The following SKAP2 variants were observed in gnomAD, a reference collection of about 807,000 sequenced individuals.
SKAP2 encodes src kinase-associated phosphoprotein 2.
A neutral mutation model predicts 54.9 loss-of-function variants in SKAP2; 28 were observed. The observed-to-expected ratio is 0.51, with a 90% CI of 0.38 to 0.70. SKAP2 has a LOEUF of 0.70. Among genes scored for constraint, SKAP2 ranks in the 30% least tolerant of loss-of-function variants. The pLI, the probability that SKAP2 is intolerant of heterozygous loss-of-function variation, is 0.00. For missense variants in SKAP2, 356 were observed against 424.1 expected, an observed-to-expected ratio of 0.84 and a Z score of 1.41; for synonymous variants, 137 against 134.3, an observed-to-expected ratio of 1.02 and a Z score of -0.14.
chr7:26,671,946 T>C (rs1786253389), intron 11 of SKAP2, among the ~76,000 whole-genome samples: 1 of 152,070 alleles, frequency 6.6e-6, no homozygotes, highest in African/African-American at 2.4e-5. Context: ...ACACACGTAC[T>C]TAACGTTCCA....
chr7:26,681,115 C>A (rs1421308794), intron 11 of SKAP2, among the ~76,000 whole-genome samples: 1 of 152,114 alleles, frequency 6.6e-6, no homozygotes, highest in African/African-American at 2.4e-5. Context: ...ACAACCTAAT[C>A]CCCAAGCTAG....
intron 9 of SKAP2, among the ~76,000 whole-genome samples, chr7:26,698,117 T>C (rs1218870831): frequency 2.0e-5 from 3 of 152,220 alleles, no homozygotes; most frequent in Non-Finnish European, 4.4e-5. Context: ...ACAGCTGATA[T>C]ATGGATGCAG....
chr7:26,859,266 A>AG (rs144600986), intron 1 of SKAP2, among the ~76,000 whole-genome samples: 1 of 150,502 alleles, frequency 6.6e-6, no homozygotes, highest in Non-Finnish European at 1.5e-5. Context: ...AGCTACCATC[A>AG]GGAAAAAAAA....
At chr7:26,786,011 T>A (rs1412150709) in intron 4 of SKAP2, among the ~76,000 whole-genome samples, 1 of 152,060 alleles carries the variant, frequency 6.6e-6, no homozygotes, top group Non-Finnish European at 1.5e-5. Context: ...GATGCAGACA[T>A]GAGTTGGGCA....
At chr7:26,674,585 C>T (rs1786313109) in intron 11 of SKAP2, among the ~76,000 whole-genome samples, 2 of 152,242 alleles carry the variant, frequency 1.3e-5, no homozygotes, top group East Asian at 1.9e-4. Flanking sequence ...AATGAGGAAA[C>T]TGACACAATC....
intron 4 of SKAP2, among the ~76,000 whole-genome samples, chr7:26,765,176 C>G (rs924664360): frequency 2.0e-5 from 3 of 152,196 alleles, no homozygotes; most frequent in Non-Finnish European, 4.4e-5. Flanking sequence ...GCCATTCTAA[C>G]TGACGTGAAA....
chr7:26,697,243 G>A (rs1259060123), intron 9 of SKAP2, among the ~76,000 whole-genome samples: 1 of 152,142 alleles, frequency 6.6e-6, no homozygotes, highest in African/African-American at 2.4e-5. Context: ...GTTATCTGCT[G>A]CTCGAGAAGC....
At chr7:26,672,852 C>T (rs550658356) in intron 11 of SKAP2, among the ~76,000 whole-genome samples, 1 of 152,084 alleles carries the variant, frequency 6.6e-6, no homozygotes, top group East Asian at 1.9e-4. Context: ...AATGAAAATG[C>T]TTCTTGGAGT....
At chr7:26,731,051 A>C (rs1388914355) in intron 6 of SKAP2, among the ~76,000 whole-genome samples, 1 of 152,214 alleles carries the variant, frequency 6.6e-6, no homozygotes, top group African/African-American at 2.4e-5. Flanking sequence ...AATAGTAAAC[A>C]GTAAAAGCCA....
intron 4 of SKAP2, among the ~76,000 whole-genome samples, chr7:26,780,693 T>C (rs1373119063): frequency 6.6e-6 from 1 of 152,130 alleles, no homozygotes; most frequent in Non-Finnish European, 1.5e-5. Flanking sequence ...TGCCCATATA[T>C]ACACATAGAT....
At chr7:26,658,289 A>G in the SKAP2 span, among the ~76,000 whole-genome samples, 1 of 152,184 alleles carries the variant, frequency 6.6e-6, no homozygotes, top group Non-Finnish European at 1.5e-5. Flanking sequence ...TTCTTTTTCA[A>G]TCAAAAACAC....
At chr7:26,823,255 G>A (rs1387340927) in intron 4 of SKAP2, among the ~76,000 whole-genome samples, 2 of 151,600 alleles carry the variant, frequency 1.3e-5, no homozygotes, top group African/African-American at 4.8e-5. Flanking sequence ...GTGAAACCTC[G>A]TCTCTACTGA....
rs143380306 is a variant in SKAP2, at chr7:26,795,539, A to G, written c.307+48491T>C. On this transcript the variant is annotated intron_variant, in intron 4 of 12. Transcript: ENST00000345317. Reference sequence around the variant, plus strand: ...TGTAATCAACATTTATTAGCAAGATACGATTCTCAGCACTGTAAGTGGAAC... The same window carrying G: ...TGTAATCAACATTTATTAGCAAGATGCGATTCTCAGCACTGTAAGTGGAAC... Among the ~76,000 whole-genome samples, 192 of 152,342 alleles carry G rather than the reference A, an allele frequency of 1.3e-3. 1 individual carries two copies. The highest frequency in any genetic ancestry group is 4.4e-3 in the African/African-American group (182 of 41,580).
intron 4 of SKAP2, among the ~76,000 whole-genome samples, chr7:26,767,933 T>C (rs1347004760): frequency 2.0e-5 from 3 of 152,228 alleles, no homozygotes; most frequent in Non-Finnish European, 2.9e-5. Flanking sequence ...AGAATGTATA[T>C]TCTATTGATT....
At chr7:26,716,573 A>C (rs1163242938) in intron 9 of SKAP2, among the ~76,000 whole-genome samples, 1 of 152,204 alleles carries the variant, frequency 6.6e-6, no homozygotes, top group Non-Finnish European at 1.5e-5. Context: ...TTAATAGACT[A>C]AGTTATATTT....
At chr7:26,738,976 G>T in intron 5 of SKAP2, 98 bp from the exon 6 acceptor site, 1 of 751,720 alleles carries the variant, frequency 1.3e-6, no homozygotes, top group Non-Finnish European at 2.3e-6. Context: ...CTAACATTGT[G>T]TGACTAATTT....
At chr7:26,781,452 G>A (rs755238608) in intron 4 of SKAP2, among the ~76,000 whole-genome samples, 4 of 152,006 alleles carry the variant, frequency 2.6e-5, no homozygotes, top group Non-Finnish European at 5.9e-5. Context: ...TACCAACCAG[G>A]GTGCTACTGC....
At position 26,735,861 on chromosome 7, in the gene SKAP2, A is replaced by G. The variant is rs149148800; in HGVS notation, c.469+2934T>C. ...CCAAACAAGTAATTAAAAACTGTCTAAAGACAGATCTTTTTTTGGAGTCCC... is the reference window on the plus strand; with the variant it reads ...CCAAACAAGTAATTAAAAACTGTCTGAAGACAGATCTTTTTTTGGAGTCCC... On this transcript the variant is annotated intron_variant, in intron 6 of 12. Coordinates refer to ENST00000345317, the MANE Select transcript of SKAP2 (RefSeq NM_003930.5). Among the ~76,000 whole-genome samples the G allele has an allele frequency of 4.8e-3, 734 of 152,330 alleles. 5 individuals are homozygous for G. Among genetic ancestry groups the G allele is most frequent in the African/African-American group, 0.017 (694 of 41,586 alleles).
At chr7:26,839,962 T>G (rs913190977) in intron 4 of SKAP2, among the ~76,000 whole-genome samples, 1 of 152,008 alleles carries the variant, frequency 6.6e-6, no homozygotes, top group African/African-American at 2.4e-5. Flanking sequence ...TTTTGTACAT[T>G]GGATTTTTGT....
Sources: gnomAD v4.1 joint callset for allele counts (sites outside exome capture counted in the v4.1 genomes callset) on GRCh38, gnomAD v4.1.1 for gene constraint, MANE v1.5 for transcripts, NCBI Gene and HGNC (gene_info 2026-07-23, HGNC 2026-07-21) for gene names.